Variants in LARGE1 observed in about 807,000 individuals in gnomAD.
The protein encoded by LARGE1 is xylosyl- and glucuronyltransferase LARGE1.
In LARGE1, 43 loss-of-function variants were observed where a neutral mutation model predicts 87.6. That is an observed-to-expected ratio of 0.49 (90% CI 0.38 to 0.63). LARGE1 has a LOEUF of 0.63. Ranked by LOEUF, LARGE1 falls within the 30% of genes least tolerant of loss-of-function variation. The probability of loss-of-function intolerance (pLI) is 0.00; values close to 1 mark genes in which losing one functional copy is unlikely to be tolerated. For missense variants in LARGE1, 802 were observed against 1,000.2 expected, an observed-to-expected ratio of 0.80 and a Z score of 2.67; for synonymous variants, 434 against 394.6, an observed-to-expected ratio of 1.10 and a Z score of -1.18.
intron 5 of LARGE1, among the ~76,000 whole-genome samples, chr22:33,603,979 TG>T (rs1301530775): frequency 6.6e-6 from 1 of 152,240 alleles, no homozygotes; most frequent in East Asian, 1.9e-4. Context: ...CCCATGAGTT[TG>T]GTATTTCATC....
chr22:33,134,225 A>T, the LARGE1 span, among the ~76,000 whole-genome samples: 1 of 148,950 alleles, frequency 6.7e-6, no homozygotes, highest in African/African-American at 2.5e-5. Flanking sequence ...AAGTCTACCC[A>T]TGTCATAGTC....
intron 1 of LARGE1, among the ~76,000 whole-genome samples, chr22:33,872,869 A>C (rs12169279): frequency 6.6e-6 from 1 of 151,968 alleles, no homozygotes. Context: ...GTGTGGTGGC[A>C]GACACCTGTA....
chr22:33,726,408 C>G lies in LARGE1; in HGVS notation c.106+34963G>C, dbSNP rs564184103. 3.9e-5 allele frequency among the ~76,000 whole-genome samples: 6 copies of G among 152,332 alleles called. No homozygotes were observed. The East Asian group carries it at 1.2e-3, about 29-fold the overall frequency. On this transcript the variant is annotated intron_variant, in intron 2 of 14. Coordinates refer to ENST00000397394, the MANE Select transcript of LARGE1 (RefSeq NM_133642.5). ...TAAAATTCCAGGAGGTGTAGAAGAT[C>G]ACTGACTTCCAGCTTTAACATCTTC...
chr22:33,807,258 A>G (rs2086341801), intron 1 of LARGE1, among the ~76,000 whole-genome samples: 1 of 152,066 alleles, frequency 6.6e-6, no homozygotes, highest in African/African-American at 2.4e-5. Context: ...CCCGCCTCAC[A>G]GGACTGTTTG....
chr22:33,471,294 T>G (rs1452682912), intron 6 of LARGE1, among the ~76,000 whole-genome samples: 1 of 152,124 alleles, frequency 6.6e-6, no homozygotes. Flanking sequence ...TCTACCCACC[T>G]TGGCCTCCCA....
At chr22:33,697,587 C>G (rs1406406682) in intron 2 of LARGE1, among the ~76,000 whole-genome samples, 1 of 129,196 alleles carries the variant, frequency 7.7e-6, no homozygotes, top group Non-Finnish European at 1.6e-5. Flanking sequence ...ACATCTCTTT[C>G]TGTTGAAGCT....
chr22:33,596,411 A>G (rs2078977010), intron 5 of LARGE1, among the ~76,000 whole-genome samples: 2 of 152,248 alleles, frequency 1.3e-5, no homozygotes. Flanking sequence ...GACAGAGGCC[A>G]GAGGTACACT....
intron 7 of LARGE1, among the ~76,000 whole-genome samples, chr22:33,397,941 C>T (rs907036538): frequency 2.6e-5 from 4 of 151,914 alleles, no homozygotes; most frequent in Non-Finnish European, 5.9e-5. Flanking sequence ...CCCATTTTGT[C>T]CTCTTTTGGG....
intron 2 of LARGE1, among the ~76,000 whole-genome samples, chr22:33,710,380 G>T (rs1294870073): frequency 6.6e-6 from 1 of 152,186 alleles, no homozygotes; most frequent in African/African-American, 2.4e-5. Flanking sequence ...CCAGAAAATG[G>T]CTAGGTCATG....
intron 6 of LARGE1, among the ~76,000 whole-genome samples, chr22:33,452,027 A>T (rs1253285304): frequency 6.6e-6 from 1 of 152,200 alleles, no homozygotes; most frequent in Non-Finnish European, 1.5e-5. Context: ...TCCAACCCGA[A>T]TCTGCTCATC....
chr22:33,399,395 T>C (rs977024358), intron 7 of LARGE1, among the ~76,000 whole-genome samples: 4 of 152,218 alleles, frequency 2.6e-5, no homozygotes, highest in African/African-American at 9.6e-5. Flanking sequence ...TTGATGGGCA[T>C]TTGGGTTGAT....
intron 5 of LARGE1, among the ~76,000 whole-genome samples, chr22:33,586,455 TC>T (rs1342684712): frequency 1.5e-5 from 2 of 131,602 alleles, no homozygotes; most frequent in Non-Finnish European, 1.6e-5. Context: ...CAACAAGATT[TC>T]TTTTTTTTTT....
intron 11 of LARGE1, among the ~76,000 whole-genome samples, chr22:33,256,131 C>G (rs556062343): frequency 1.3e-5 from 2 of 152,336 alleles, no homozygotes; most frequent in African/African-American, 4.8e-5. Flanking sequence ...AAGAATTTAT[C>G]AGCTGTAATT....
intron 1 of LARGE1, among the ~76,000 whole-genome samples, chr22:33,845,075 G>A (rs571083481): frequency 1.3e-4 from 19 of 151,968 alleles, no homozygotes; most frequent in South Asian, 4.2e-4. Flanking sequence ...AAAATCTTCC[G>A]GGAAATGCAA....
chr22:33,605,973 GA>G (rs898833428), intron 4 of LARGE1, among the ~76,000 whole-genome samples: 3 of 152,218 alleles, frequency 2.0e-5, no homozygotes, highest in Admixed American at 6.5e-5. Context: ...GAAGAAGGCA[GA>G]GGGGATGCAA....
At chr22:33,166,358 G>A (rs1568955878) in exon 12 of LARGE1, 1 of 174,560 alleles carries the variant, frequency 5.7e-6, no homozygotes, top group Admixed American at 6.1e-5. Flanking sequence ...ATCTTACCAA[G>A]GGGATGTTCC....
chr22:33,650,433 A>G lies in LARGE1; in HGVS notation c.342T>C (p.Leu114=), dbSNP rs748376027. 1.2e-6 allele frequency: 2 copies of G among 1,614,094 alleles called. No individual in the cohort carries two copies. Among genetic ancestry groups the G allele is most frequent in the South Asian group, 2.2e-5 (2 of 91,078 alleles). Residue 114 remains leucine (L), a synonymous_variant, in exon 3 of 15, where the codon CTT becomes CTC. Transcript: ENST00000397394. ...TGTTGCCTGCCACGATGCCAGCCCG[A>G]AGGTTCTCGCTGTCTCCAGTGCCCT... ...MEEGTGDSEN[L]RAGIVAGNSS...
chr22:33,864,298 T>C (rs935076494), intron 1 of LARGE1, among the ~76,000 whole-genome samples: 50 of 152,166 alleles, frequency 3.3e-4, no homozygotes, highest in Admixed American at 1.3e-4. Flanking sequence ...GAGGCCCCTA[T>C]GTTCAGGAAG....
At chr22:33,428,943 CA>C (rs375368162) in intron 7 of LARGE1, among the ~76,000 whole-genome samples, 29,706 of 76,942 alleles carry the variant, frequency 0.39, 4,122 homozygotes, top group African/African-American at 0.49. Context: ...AAAAAAGAAA[CA>C]AAAAAAAAAA....
Sources: allele counts gnomAD v4.1 joint callset (sites outside exome capture counted in the v4.1 genomes callset), GRCh38; gene constraint gnomAD v4.1.1; transcripts MANE v1.5; gene names NCBI Gene and HGNC (gene_info 2026-07-23, HGNC 2026-07-21).